The following PKM variants were observed in gnomAD, a reference collection of about 807,000 sequenced individuals.
PKM encodes the protein pyruvate kinase M1/2.
In PKM, 18 loss-of-function variants were observed where a neutral mutation model predicts 49.8. The ratio of observed to expected loss-of-function variants is 0.36; its 90% confidence interval spans 0.25 to 0.54. PKM has a LOEUF of 0.54. PKM is among the 20% of genes least tolerant of loss of function. The pLI, the probability that PKM is intolerant of heterozygous loss-of-function variation, is 0.89. For missense variants in PKM, 508 were observed against 713.8 expected (o/e 0.71, Z 3.28); for synonymous variants, 239 against 261.8 (o/e 0.91, Z 0.84).
chr15:72,210,039 A>T, intron 4 of PKM, 180 bp from the exon 5 acceptor site: 1 of 667,322 alleles, frequency 1.5e-6, no homozygotes, highest in Admixed American at 2.3e-5. Flanking sequence ...CCAAGAAAAG[A>T]ATATGTTTCA....
At chr15:72,220,991 G>A (rs2140763580) in intron 1 of PKM, among the ~76,000 whole-genome samples, 1 of 152,338 alleles carries the variant, frequency 6.6e-6, no homozygotes, top group South Asian at 2.1e-4. Context: ...CTTTGCTGTG[G>A]CCTCCAATGG....
At position 72,208,601 on chromosome 15, in the gene PKM, C is replaced by G; in HGVS notation, c.836+20G>C. ...TCGGAGAGCTGCGCTGGGACTGGAG[C>G]AGGGACAACGGGGACTTGCCTCCGA... On this transcript the variant is annotated intron_variant, in intron 6 of 10. Transcript: ENST00000335181. The G allele has an allele frequency of 6.2e-7, 1 of 1,613,792 alleles. No individual in the cohort carries two copies. Among genetic ancestry groups the G allele is most frequent in the South Asian group, 1.1e-5 (1 of 91,066 alleles).
At chr15:72,204,392 G>A (rs1032126977) in intron 8 of PKM, 1 of 152,230 alleles carries the variant, frequency 6.6e-6, no homozygotes, top group Non-Finnish European at 1.5e-5. Flanking sequence ...TCTGTTCATA[G>A]GAAACACCAG....
At chr15:72,220,643 A>G (rs1166555187) in intron 1 of PKM, among the ~76,000 whole-genome samples, 1 of 152,238 alleles carries the variant, frequency 6.6e-6, no homozygotes, top group Non-Finnish European at 1.5e-5. Context: ...ACTACGTACC[A>G]AAATGAAAAA....
At chr15:72,205,624 GTTTTTTTTT>G (rs140232218) in intron 8 of PKM, among the ~76,000 whole-genome samples, 19 of 99,744 alleles carry the variant, frequency 1.9e-4, no homozygotes, top group South Asian at 3.4e-4. Flanking sequence ...GGGTGTTTTA[GTTTTTTTTT>G]TTTTTTTTTT....
intron 6 of PKM, among the ~76,000 whole-genome samples, chr15:72,207,745 G>C (rs2082123326): frequency 1.3e-5 from 2 of 152,246 alleles, no homozygotes; most frequent in African/African-American, 4.8e-5. Flanking sequence ...GAAGGCAAGA[G>C]GGAATGTGGC....
Position 72,202,241 on chromosome 15 carries a change from A to C in PKM, c.1307+213T>G. The C allele has an allele frequency of 1.7e-6, 1 of 595,722 alleles. No homozygotes were observed. The highest frequency in any genetic ancestry group is 3.0e-6 in the Non-Finnish European group (1 of 333,788). 36.9% of individuals were successfully genotyped at this position (595,722 alleles called of 1,614,324 possible). On this transcript the variant is annotated intron_variant, in intron 9 of 10. Transcript: ENST00000335181. The surrounding 1 kb of genome is among the most constrained non-coding windows in gnomAD (Gnocchi z 4.5). ...CAGCATAAATTTGCTTTTGATCCAA[A>C]TGTTCTGACATTCCTTATGAGTGCT...
At chr15:72,210,580 G>A in intron 3 of PKM, 102 bp from the exon 4 acceptor site, 2 of 1,304,678 alleles carry the variant, frequency 1.5e-6, no homozygotes, top group East Asian at 4.8e-5. Flanking sequence ...AAAGGCCCGT[G>A]GATGTCTTAG....
intron 6 of PKM, among the ~76,000 whole-genome samples, chr15:72,208,270 C>G (rs768941984): frequency 6.6e-6 from 1 of 152,076 alleles, no homozygotes; most frequent in Non-Finnish European, 1.5e-5. Context: ...CTGGTCCCCC[C>G]ATTCCAGCAA....
intron 2 of PKM, among the ~76,000 whole-genome samples, chr15:72,218,396 G>C (rs2082429088): frequency 6.6e-6 from 1 of 152,036 alleles, no homozygotes. Context: ...CGAAGTGCTG[G>C]ATTACAGGCA....
rs572317094 is a variant in PKM, at chr15:72,219,024, G to T, written c.74C>A (p.Thr25Lys). Reference protein sequence around the residue: ...TQQLHAAMADTFLEHMCRLDI... With the variant: ...TQQLHAAMADKFLEHMCRLDI... ...CAGGCGGCACATGTGCTCCAGGAAT[G>T]TGTCAGCCATGGCTGCGTGCAGCTG... The change falls in exon 2 of 11, where the codon ACA becomes AAA. Residue 25 changes from threonine to lysine, a missense_variant. By Grantham distance (78) the Thr-to-Lys change is moderately conservative. Transcript: ENST00000335181. 1.2e-6 allele frequency: 2 copies of T among 1,614,220 alleles called. No homozygotes were observed. The highest frequency in any genetic ancestry group is 1.7e-6 in the Non-Finnish European group (2 of 1,180,028).
At chr15:72,223,523 A>C (rs908692870) in intron 1 of PKM, among the ~76,000 whole-genome samples, 3 of 152,104 alleles carry the variant, frequency 2.0e-5, no homozygotes, top group Non-Finnish European at 4.4e-5. Flanking sequence ...TCTTCCGAAC[A>C]CCTGCATCCG....
chr15:72,205,643 T>TTTTTTTTTTTTTTTTTTTTTTG, intron 8 of PKM, among the ~76,000 whole-genome samples: 1 of 150,204 alleles, frequency 6.7e-6, no homozygotes. Flanking sequence ...TTTTTTTTTT[T>TTTTTTTTTTTTTTTTTTTTTTG]TTTCTGTTTT....
At chr15:72,216,465 A>T (rs997893436) in intron 3 of PKM, among the ~76,000 whole-genome samples, 21 of 152,184 alleles carry the variant, frequency 1.4e-4, no homozygotes, top group East Asian at 5.8e-4. Flanking sequence ...CCCCAAAAAA[A>T]TTTTTAAATT....
At chr15:72,229,569 T>C (rs1309871283) in intron 1 of PKM, 2 of 1,287,994 alleles carry the variant, frequency 1.6e-6, no homozygotes, top group Non-Finnish European at 2.0e-6. Flanking sequence ...TTAAATGATC[T>C]TCAGACTGGA....
intron 6 of PKM, among the ~76,000 whole-genome samples, chr15:72,208,032 G>T (rs1317194524): frequency 6.6e-6 from 1 of 152,226 alleles, no homozygotes; most frequent in Non-Finnish European, 1.5e-5. Flanking sequence ...ATTGGGGAGG[G>T]GGTAAGCTAA....
chr15:72,213,839 A>C (rs2140706710), intron 3 of PKM, among the ~76,000 whole-genome samples: 1 of 152,354 alleles, frequency 6.6e-6, no homozygotes, highest in Non-Finnish European at 1.5e-5. Context: ...ATAGGAATTA[A>C]GTTATAAGTC....
chr15:72,206,078 T>C (rs1010712733), intron 8 of PKM, among the ~76,000 whole-genome samples: 13 of 152,202 alleles, frequency 8.5e-5, no homozygotes, highest in Non-Finnish European at 1.9e-4. Flanking sequence ...TCTCTATCTG[T>C]GGCCCTGCCA....
At chr15:72,221,377 T>C in intron 1 of PKM, 2 of 664,270 alleles carry the variant, frequency 3.0e-6, no homozygotes, top group East Asian at 2.7e-5. Context: ...AGGTGACAGC[T>C]GCTCTAGAGA....
Sources: allele counts gnomAD v4.1 joint callset (sites outside exome capture counted in the v4.1 genomes callset), GRCh38; gene constraint gnomAD v4.1.1; non-coding constraint Gnocchi (gnomAD v3.1); transcripts MANE v1.5; gene names NCBI Gene and HGNC (gene_info 2026-07-23, HGNC 2026-07-21).